The following NFATC2 variants were observed in gnomAD, a reference collection of about 807,000 sequenced individuals.
The protein encoded by NFATC2 is nuclear factor of activated T cells 2, also known as nuclear factor of activated T-cells, cytoplasmic 2.
NFATC2 carries 22 observed loss-of-function variants against 87.3 expected under a neutral mutation model. The ratio of observed to expected loss-of-function variants is 0.25; its 90% CI spans 0.18 to 0.36. NFATC2 has a LOEUF of 0.36. NFATC2 is among the 10% of genes least tolerant of loss of function. NFATC2 has a pLI of 1.00. For missense variants in NFATC2, 1,149 were observed against 1,259.1 expected (o/e 0.91, Z 1.32); for synonymous variants, 565 against 542.2 (o/e 1.04, Z -0.58).
chr20:51,494,470 C>T (rs1220454442), intron 3 of NFATC2, among the ~76,000 whole-genome samples: 3 of 152,180 alleles, frequency 2.0e-5, no homozygotes, highest in African/African-American at 7.2e-5. Flanking sequence ...CTCCCCACTC[C>T]TCACCTTTAT....
intron 3 of NFATC2, among the ~76,000 whole-genome samples, chr20:51,482,596 G>C (rs1161538971): frequency 6.6e-6 from 1 of 152,006 alleles, no homozygotes; most frequent in Non-Finnish European, 1.5e-5. Context: ...TTTAATATGT[G>C]TTTACATTGT....
chr20:51,522,478 G>C (rs908698214), intron 2 of NFATC2, among the ~76,000 whole-genome samples: 4 of 152,118 alleles, frequency 2.6e-5, no homozygotes, highest in Admixed American at 1.3e-4. Flanking sequence ...GACTCAAAGC[G>C]AGCCTTAAGA....
At chr20:51,445,032 C>T (rs6067783) in intron 6 of NFATC2, among the ~76,000 whole-genome samples, 2 of 152,112 alleles carry the variant, frequency 1.3e-5, no homozygotes, top group African/African-American at 2.4e-5. Flanking sequence ...CCAGTTTCTC[C>T]GAGTGCTGCC....
Position 51,523,201 on chromosome 20 carries a change from G to T in NFATC2, c.1040C>A (p.Pro347Gln), listed in dbSNP as rs752614773. Reference sequence around the variant, plus strand: ...GCAGGGCCCCAGGAACTCCACGGCCGGGTAGATGTGGCGAGGCAGGCCGGC... The same window carrying T: ...GCAGGGCCCCAGGAACTCCACGGCCTGGTAGATGTGGCGAGGCAGGCCGGC... ...SKAGLPRHIY[P>Q]AVEFLGPCEQ... The change falls in exon 2 of 11, where the codon CCG (proline) becomes CAG (glutamine). Residue 347 changes from proline (P) to glutamine (Q), a missense_variant. Transcript: ENST00000371564. This position sits in a 1 kb window ranked among gnomAD's most constrained non-coding sequence, Gnocchi z 6.9. The T allele has an allele frequency of 5.0e-6, 8 of 1,614,094 alleles. No individual in the cohort carries two copies. The highest frequency in any genetic ancestry group is 5.9e-6 in the Non-Finnish European group (7 of 1,179,976).
upstream of NFATC2, among the ~76,000 whole-genome samples, chr20:51,544,613 G>A (rs181959027): frequency 2.0e-5 from 3 of 152,222 alleles, no homozygotes; most frequent in African/African-American, 7.2e-5. Context: ...TGAAAGCAAA[G>A]TAGCACAGTT....
rs115260036 is a variant in NFATC2, at chr20:51,523,152, C to T, written c.1089G>A (p.Ser363=). 3,414 of 1,614,236 alleles carry T rather than the reference C, an allele frequency of 2.1e-3. 51 individuals carry two copies. In the African/African-American group the frequency reaches 0.035, roughly 17 times the overall value. Residue 363 remains serine, a synonymous_variant, in exon 2 of 11, where the codon TCG becomes TCA. Coordinates refer to ENST00000371564, the MANE Select transcript of NFATC2 (RefSeq NM_012340.5). The surrounding 1 kb of genome is among the most constrained non-coding windows in gnomAD (Gnocchi z 6.9). The part of the protein sequence containing the change: ...GPCEQGERRN[S]APESILLVPP... ...GAACCAGCAGGATGGATTCTGGAGC[C>T]GAGTTTCTCCTCTCGCCCTGCTCGC... is the stretch of plus-strand genomic sequence containing the variant.
At chr20:51,526,959 C>T (rs1299359235) in intron 1 of NFATC2, among the ~76,000 whole-genome samples, 3 of 152,072 alleles carry the variant, frequency 2.0e-5, no homozygotes, top group Admixed American at 6.5e-5. Flanking sequence ...AGTGCTGTGG[C>T]GCAATAATAG....
intron 3 of NFATC2, among the ~76,000 whole-genome samples, chr20:51,505,311 C>T (rs1195761039): frequency 2.0e-5 from 3 of 151,822 alleles, no homozygotes; most frequent in Admixed American, 6.6e-5. Flanking sequence ...TGAGCCACCA[C>T]GTCTGGCCAT....
intron 3 of NFATC2, among the ~76,000 whole-genome samples, chr20:51,495,193 T>C: frequency 6.6e-6 from 1 of 151,936 alleles, no homozygotes; most frequent in East Asian, 1.9e-4. Flanking sequence ...CAAGCAATTC[T>C]CCCCCCTCAG....
chr20:51,502,339 G>T (rs955579654), intron 3 of NFATC2, among the ~76,000 whole-genome samples: 1 of 152,166 alleles, frequency 6.6e-6, no homozygotes, highest in South Asian at 2.1e-4. Context: ...TTTGGGGTTT[G>T]TTTTGAGACA....
rs1295871212 is a variant in NFATC2 at position 51,389,438 on chromosome 20, A to G, written c.*2058T>C. ...TCTTGGCTTTTCCCCAGTGAAGTCA[A>G]TATTGCTGGAGAGAAAATTCTTTAG... On this transcript the variant is annotated 3_prime_UTR_variant, in exon 11 of 11. Coordinates refer to ENST00000371564, the MANE Select transcript of NFATC2 (RefSeq NM_012340.5). The G allele has an allele frequency of 1.3e-5, 2 of 152,224 alleles. No individual in the cohort carries two copies. The highest frequency in any genetic ancestry group is 4.8e-5 in the African/African-American group (2 of 41,460). The allele number at this position is 152,224 out of a possible 1,614,324, so 9.4% of individuals were successfully genotyped here. A position where few individuals can be genotyped will look rare whatever the true frequency, so the allele number is the denominator to read the frequency against.
Position 51,390,536 on chromosome 20 carries a change from T to G in NFATC2, c.*960A>C, listed in dbSNP as rs1282075030. ...GCCGGAACCTTGCAAAGCATCCAGG[T>G]TGTACAGCTGCAGCAGACAGGTGCT... On this transcript the variant is annotated 3_prime_UTR_variant, in exon 11 of 11. Transcript: ENST00000371564. The G allele has an allele frequency of 6.6e-6, 1 of 152,206 alleles. No individual in the cohort carries two copies. Among genetic ancestry groups the G allele is most frequent in the Non-Finnish European group, 1.5e-5 (1 of 68,050 alleles). 9.4% of individuals were successfully genotyped at this position (152,206 alleles called of 1,614,324 possible). A position where few individuals can be genotyped will look rare whatever the true frequency, so the allele number is the denominator to read the frequency against.
At chr20:51,412,700 T>TC (rs1362072474) in intron 9 of NFATC2, among the ~76,000 whole-genome samples, 1 of 151,828 alleles carries the variant, frequency 6.6e-6, no homozygotes. Flanking sequence ...CCCGGCCACC[T>TC]CATACTCTCT....
chr20:51,391,468 G>GT lies in NFATC2; in HGVS notation c.*45-18_*45-17insA. 7.4e-6 allele frequency: 9 copies of GT among 1,219,290 alleles called. No individual in the cohort carries two copies. Among genetic ancestry groups the GT allele is most frequent in the African/African-American group, 2.4e-5 (1 of 41,994 alleles). The allele number at this position is 1,219,290 out of a possible 1,614,324, so 75.5% of individuals were successfully genotyped here. On this transcript the variant is annotated splice_polypyrimidine_tract_variant and intron_variant, in intron 10 of 10. Transcript: ENST00000371564. ...TTTCATTAACTACAAAAGAAAAGAGGAGGGGGGGGGAGAGAGAATGGGGCA... is the reference window on the plus strand; with the variant it reads ...TTTCATTAACTACAAAAGAAAAGAGGTAGGGGGGGGGAGAGAGAATGGGGCA...
intron 5 of NFATC2, among the ~76,000 whole-genome samples, chr20:51,461,470 C>A (rs981112078): frequency 1.3e-5 from 2 of 152,250 alleles, no homozygotes; most frequent in Non-Finnish European, 2.9e-5. Context: ...CCAGGCTTCC[C>A]TCCTGCCCCT....
rs915468454 is a variant in NFATC2 at position 51,516,676 on chromosome 20, G to A, written c.1332+108C>T. ...TTTCTCATTCCTCAAAGGAGTAAGA[G>A]GCTGAGACACATACCTCACCTTAAC... On this transcript the variant is annotated intron_variant, in intron 3 of 10. Transcript: ENST00000371564. The A allele has an allele frequency of 8.5e-6, 10 of 1,175,492 alleles. No individual in the cohort carries two copies. The African/African-American group carries it at 1.5e-4, about 18-fold the overall frequency. The allele number at this position is 1,175,492 out of a possible 1,614,324, so 72.8% of individuals were successfully genotyped here. A position where few individuals can be genotyped will look rare whatever the true frequency, so the allele number is the denominator to read the frequency against.
chr20:51,395,143 G>A (rs1986873379), intron 10 of NFATC2, among the ~76,000 whole-genome samples: 1 of 152,170 alleles, frequency 6.6e-6, no homozygotes, highest in African/African-American at 2.4e-5. Context: ...CATTTCCTGA[G>A]AGCTGTGTGC....
chr20:51,548,096 T>C (rs999326768), intron 1 of NFATC2, among the ~76,000 whole-genome samples: 2 of 152,112 alleles, frequency 1.3e-5, no homozygotes, highest in African/African-American at 4.8e-5. Context: ...CACCTGACTC[T>C]CCTTGGGTAT....
At position 51,523,628 on chromosome 20, in the gene NFATC2, A is replaced by C; in HGVS notation, c.613T>G (p.Phe205Val). Residue 205 changes from phenylalanine to valine, a missense_variant, in exon 2 of 11, where the codon TTT becomes GTT. Phe to Val is a conservative substitution (Grantham distance 50). Around this residue, in one of 3 missense-constraint regions of NFATC2, gnomAD observed 563 missense variants for 585.2 expected, o/e 0.96. Coordinates refer to ENST00000371564, the MANE Select transcript of NFATC2 (RefSeq NM_012340.5). This position sits in a 1 kb window ranked among gnomAD's most constrained non-coding sequence, Gnocchi z 6.9. ...NGGPDDLCPQ[F>V]QNIPAHYSPR... ...GAATAATGAGCAGGGATGTTTTGAA[A>C]CTGCGGACACAGGTCGTCGGGCCCG... 6.2e-7 allele frequency: 1 copy of C among 1,613,824 alleles called. No individual in the cohort carries two copies. The highest frequency in any genetic ancestry group is 1.3e-5 in the African/African-American group (1 of 75,000).
Sources: gnomAD v4.1 joint callset for allele counts (sites outside exome capture counted in the v4.1 genomes callset) on GRCh38, gnomAD v4.1.1 for gene constraint, gnomAD v4.1.1 regional missense constraint, Gnocchi (gnomAD v3.1) non-coding constraint, MANE v1.5 for transcripts, NCBI Gene and HGNC (gene_info 2026-07-23, HGNC 2026-07-21) for gene names.